The following AGBL1 variants were observed in gnomAD, a reference collection of about 807,000 sequenced individuals.
AGBL1 encodes cytosolic carboxypeptidase 4.
A neutral mutation model predicts 118.9 loss-of-function variants in AGBL1; 130 were observed. The observed-to-expected ratio is 1.09, with a 90% CI of 0.95 to 1.26. The LOEUF (loss-of-function observed/expected upper bound fraction) is 1.26, where lower values mean the gene tolerates loss of function less well. Ranked by LOEUF, AGBL1 falls within the 50% of genes most tolerant of loss-of-function variation. AGBL1 has a pLI of 0.00. For missense variants in AGBL1, 1,584 were observed against 1,298.1 expected (o/e 1.22, Z -3.38); for synonymous variants, 555 against 478.9 (o/e 1.16, Z -2.08).
intron 17 of AGBL1, among the ~76,000 whole-genome samples, chr15:86,301,321 T>C (rs1480640679): frequency 6.6e-6 from 1 of 151,982 alleles, no homozygotes; most frequent in Non-Finnish European, 1.5e-5. Context: ...CATAGGGACA[T>C]GAGCTGGACT....
At chr15:86,793,831 C>T (rs183026226) in intron 22 of AGBL1, among the ~76,000 whole-genome samples, 78 of 152,170 alleles carry the variant, frequency 5.1e-4, no homozygotes, top group Admixed American at 3.2e-3. Flanking sequence ...CACACATGGT[C>T]AACAAGTATA....
intron 23 of AGBL1, among the ~76,000 whole-genome samples, chr15:86,970,515 G>C (rs1046173753): frequency 6.6e-6 from 1 of 151,928 alleles, no homozygotes; most frequent in Non-Finnish European, 1.5e-5. Context: ...GTTGAGCTAT[G>C]TGCTCAAAGT....
intron 6 of AGBL1, among the ~76,000 whole-genome samples, chr15:86,238,648 C>T (rs1243497929): frequency 1.3e-5 from 2 of 152,106 alleles, no homozygotes; most frequent in African/African-American, 2.4e-5. Context: ...ATGAAAACAT[C>T]ACCCTTGGTA....
chr15:87,029,312 C>A (rs980434572), downstream of AGBL1, among the ~76,000 whole-genome samples: 14 of 151,864 alleles, frequency 9.2e-5, no homozygotes, highest in African/African-American at 3.4e-4. Flanking sequence ...ACTCATTTAT[C>A]CAGGGATCAC....
At chr15:86,638,065 C>A (rs1051640106) in intron 21 of AGBL1, among the ~76,000 whole-genome samples, 1 of 152,096 alleles carries the variant, frequency 6.6e-6, no homozygotes, top group South Asian at 2.1e-4. Flanking sequence ...ATACTTCATA[C>A]TTCGGGACTA....
At chr15:86,248,876 G>T (rs182177728) in intron 7 of AGBL1, among the ~76,000 whole-genome samples, 52 of 152,260 alleles carry the variant, frequency 3.4e-4, no homozygotes, top group Middle Eastern at 3.4e-3. Context: ...TAGAGAGAGA[G>T]GTCAAGTCAT....
At chr15:86,836,381 G>A (rs2079171593) in intron 22 of AGBL1, among the ~76,000 whole-genome samples, 1 of 152,062 alleles carries the variant, frequency 6.6e-6, no homozygotes, top group Non-Finnish European at 1.5e-5. Flanking sequence ...TTTTTTCAGA[G>A]GTATTAGCGT....
chr15:86,168,584 G>A (rs552200311), intron 5 of AGBL1, among the ~76,000 whole-genome samples: 2 of 152,130 alleles, frequency 1.3e-5, no homozygotes, highest in Non-Finnish European at 2.9e-5. Context: ...AATAGGGAAT[G>A]CTTGGTAAAA....
chr15:86,861,628 G>T (rs1019732484), intron 22 of AGBL1, among the ~76,000 whole-genome samples: 1 of 152,122 alleles, frequency 6.6e-6, no homozygotes, highest in African/African-American at 2.4e-5. Flanking sequence ...CTACTTCACA[G>T]AGCTGTTGTA....
intron 22 of AGBL1, among the ~76,000 whole-genome samples, chr15:86,747,690 C>T (rs866747367): frequency 8.5e-4 from 130 of 152,092 alleles, no homozygotes; most frequent in African/African-American, 2.9e-3. Flanking sequence ...CATGTGTTCT[C>T]TTTGTTCAGT....
At chr15:86,137,307 G>T (rs557920466) in intron 1 of AGBL1, among the ~76,000 whole-genome samples, 1 of 152,312 alleles carries the variant, frequency 6.6e-6, no homozygotes, top group Admixed American at 6.5e-5. Context: ...GACCCTGTGG[G>T]TGAGCTGGCT....
At chr15:86,667,254 G>GTATCTATC (rs59244912) in intron 21 of AGBL1, among the ~76,000 whole-genome samples, 2 of 139,554 alleles carry the variant, frequency 1.4e-5, no homozygotes, top group Admixed American at 6.9e-5. Context: ...ATGTATGTAT[G>GTATCTATC]TATCTATCTA....
chr15:86,654,420 A>G (rs1046274953), intron 21 of AGBL1, among the ~76,000 whole-genome samples: 1 of 152,154 alleles, frequency 6.6e-6, no homozygotes, highest in Non-Finnish European at 1.5e-5. Flanking sequence ...AACAAACTAA[A>G]ATATATCTGT....
At chr15:86,435,769 A>G (rs2081993756) in intron 18 of AGBL1, among the ~76,000 whole-genome samples, 1 of 152,186 alleles carries the variant, frequency 6.6e-6, no homozygotes, top group Non-Finnish European at 1.5e-5. Context: ...CCTTCCCAGT[A>G]AAGTCGTGAA....
At chr15:86,479,409 A>T (rs1162064918) in intron 18 of AGBL1, among the ~76,000 whole-genome samples, 2 of 152,222 alleles carry the variant, frequency 1.3e-5, no homozygotes, top group African/African-American at 4.8e-5. Flanking sequence ...GCCATCAACA[A>T]GTGGGCAAAG....
intron 18 of AGBL1, among the ~76,000 whole-genome samples, chr15:86,516,653 T>C (rs2083124769): frequency 6.6e-6 from 1 of 152,098 alleles, no homozygotes; most frequent in Admixed American, 6.5e-5. Flanking sequence ...TACAAAAAAT[T>C]AGCTGGGCGT....
chr15:86,297,499 C>A (rs2079664555), intron 17 of AGBL1, among the ~76,000 whole-genome samples: 1 of 152,156 alleles, frequency 6.6e-6, no homozygotes. Context: ...CTTGCCTTTT[C>A]ATTTTTCTCT....
intron 22 of AGBL1, among the ~76,000 whole-genome samples, chr15:86,881,524 T>C (rs1254776718): frequency 6.6e-6 from 1 of 152,210 alleles, no homozygotes; most frequent in Non-Finnish European, 1.5e-5. Flanking sequence ...CCATTTCCCT[T>C]ATTTCATTCT....
At chr15:86,382,231 T>C (rs939101611) in intron 17 of AGBL1, among the ~76,000 whole-genome samples, 12 of 152,184 alleles carry the variant, frequency 7.9e-5, no homozygotes, top group Admixed American at 1.3e-4. Flanking sequence ...CCACTGCTGG[T>C]ATGCCACACA....
Sources: allele counts gnomAD v4.1 joint callset (sites outside exome capture counted in the v4.1 genomes callset), GRCh38; gene constraint gnomAD v4.1.1; transcripts MANE v1.5; gene names NCBI Gene and HGNC (gene_info 2026-07-23, HGNC 2026-07-21).